Variants in NMNAT2 observed in about 807,000 individuals in gnomAD.
The protein encoded by NMNAT2 is nicotinamide nucleotide adenylyltransferase 2.
Under a neutral mutation model 41.6 loss-of-function variants are expected in NMNAT2, and 11 were observed. The ratio of observed to expected loss-of-function variants is 0.26; its 90% CI spans 0.17 to 0.44. The LOEUF (loss-of-function observed/expected upper bound fraction) is 0.44, where lower values mean the gene tolerates loss of function less well. Ranked by LOEUF, NMNAT2 falls within the 20% of genes least tolerant of loss-of-function variation. The pLI is 1.00. For missense variants in NMNAT2, 288 were observed against 407.7 expected (o/e 0.71, Z 2.53); for synonymous variants, 148 against 151.2 (o/e 0.98, Z 0.16).
At chr1:183,324,885 T>A (rs1662430251) in intron 1 of NMNAT2, among the ~76,000 whole-genome samples, 2 of 152,188 alleles carry the variant, frequency 1.3e-5, no homozygotes, top group Admixed American at 6.5e-5. Flanking sequence ...ATTACATGCC[T>A]AGCTCCTGGC....
At chr1:183,282,022 C>T (rs894005200) in intron 7 of NMNAT2, among the ~76,000 whole-genome samples, 6 of 152,200 alleles carry the variant, frequency 3.9e-5, no homozygotes, top group South Asian at 2.1e-4. Flanking sequence ...ATGTGAAGCC[C>T]GGGCCCTGCA....
intron 1 of NMNAT2, among the ~76,000 whole-genome samples, chr1:183,399,799 C>A (rs1648760622): frequency 6.6e-6 from 1 of 152,118 alleles, no homozygotes; most frequent in Non-Finnish European, 1.5e-5. Flanking sequence ...TAAACAGAAC[C>A]AAAGACAAAA....
At chr1:183,371,455 G>A (rs1663540593) in intron 1 of NMNAT2, among the ~76,000 whole-genome samples, 1 of 152,166 alleles carries the variant, frequency 6.6e-6, no homozygotes, top group African/African-American at 2.4e-5. Context: ...GAGCTCTGGT[G>A]TAAACCATGG....
At chr1:183,409,741 G>A (rs1314932821) in intron 1 of NMNAT2, among the ~76,000 whole-genome samples, 1 of 152,206 alleles carries the variant, frequency 6.6e-6, no homozygotes, top group African/African-American at 2.4e-5. Context: ...AGCCTGTGGA[G>A]AAGAAAGCAG....
At chr1:183,274,115 GT>G (rs1311982711) in intron 8 of NMNAT2, among the ~76,000 whole-genome samples, 1 of 151,690 alleles carries the variant, frequency 6.6e-6, no homozygotes, top group Admixed American at 6.6e-5. Context: ...GTTTTACCAT[GT>G]TGGCCAGGCT....
At chr1:183,404,707 G>A (rs1432079736) in intron 1 of NMNAT2, among the ~76,000 whole-genome samples, 2 of 152,290 alleles carry the variant, frequency 1.3e-5, no homozygotes, top group East Asian at 3.9e-4. Flanking sequence ...TGCTTTACAA[G>A]CAATGCTTTA....
intron 1 of NMNAT2, among the ~76,000 whole-genome samples, chr1:183,358,359 C>T (rs984093056): frequency 4.6e-5 from 7 of 152,118 alleles, no homozygotes; most frequent in African/African-American, 1.2e-4. Context: ...AACAAACCCC[C>T]GTGACTTGAG....
intron 1 of NMNAT2, among the ~76,000 whole-genome samples, chr1:183,359,712 C>T (rs1663266221): frequency 6.6e-6 from 1 of 152,168 alleles, no homozygotes; most frequent in Non-Finnish European, 1.5e-5. Context: ...ATGCCCAGAT[C>T]TGGCTCAGCA....
chr1:183,300,417 G>GAAA (rs59973277), intron 1 of NMNAT2, among the ~76,000 whole-genome samples: 2 of 139,554 alleles, frequency 1.4e-5, no homozygotes, highest in South Asian at 2.3e-4. Context: ...CTAAAAAAAA[G>GAAA]AAAAAAAAAA....
intron 1 of NMNAT2, among the ~76,000 whole-genome samples, chr1:183,401,750 T>C (rs1228460916): frequency 3.9e-5 from 6 of 152,070 alleles, no homozygotes; most frequent in Non-Finnish European, 5.9e-5. Flanking sequence ...AAAGGATGAG[T>C]TCATGTCCTT....
intron 1 of NMNAT2, among the ~76,000 whole-genome samples, chr1:183,307,834 G>A (rs1207765707): frequency 1.3e-5 from 2 of 152,300 alleles, no homozygotes; most frequent in Admixed American, 6.5e-5. Context: ...TGCACGCCTC[G>A]TCCTCCCAGA....
intron 1 of NMNAT2, among the ~76,000 whole-genome samples, chr1:183,319,231 G>A (rs768714427): frequency 1.3e-5 from 2 of 152,088 alleles, no homozygotes; most frequent in Non-Finnish European, 2.9e-5. Flanking sequence ...TGCCAACATC[G>A]AGCACCTACT....
At chr1:183,373,485 T>C (rs753091702) in intron 1 of NMNAT2, among the ~76,000 whole-genome samples, 1 of 152,148 alleles carries the variant, frequency 6.6e-6, no homozygotes, top group African/African-American at 2.4e-5. Context: ...CCTTCTGTAA[T>C]AGCCACTGGG....
At chr1:183,346,019 G>A (rs532763382) in intron 1 of NMNAT2, among the ~76,000 whole-genome samples, 91 of 152,208 alleles carry the variant, frequency 6.0e-4, no homozygotes, top group South Asian at 3.9e-3. Flanking sequence ...CCCAGTTTCA[G>A]GTACTGTGTT....
At chr1:183,360,908 C>A (rs1246641246) in intron 1 of NMNAT2, among the ~76,000 whole-genome samples, 1 of 152,106 alleles carries the variant, frequency 6.6e-6, no homozygotes, top group African/African-American at 2.4e-5. Context: ...TTATAAAAAT[C>A]TCAAACCTTA....
At chr1:183,357,197 C>T (rs1663211436) in intron 1 of NMNAT2, among the ~76,000 whole-genome samples, 1 of 144,018 alleles carries the variant, frequency 6.9e-6, no homozygotes, top group Non-Finnish European at 1.5e-5. Flanking sequence ...TTTAGTGGCT[C>T]AGGGAAGAGA....
intron 1 of NMNAT2, among the ~76,000 whole-genome samples, chr1:183,316,946 C>T (rs1435217960): frequency 6.6e-6 from 1 of 152,232 alleles, no homozygotes; most frequent in Non-Finnish European, 1.5e-5. Flanking sequence ...CTCCATCCCC[C>T]ATGCCCTCAG....
intron 8 of NMNAT2, among the ~76,000 whole-genome samples, chr1:183,277,026 G>A (rs888282610): frequency 6.6e-6 from 1 of 152,200 alleles, no homozygotes; most frequent in Non-Finnish European, 1.5e-5. Flanking sequence ...GTATCTGTGT[G>A]TGTATTTAGG....
At chr1:183,346,427 T>A (rs540848474) in intron 1 of NMNAT2, among the ~76,000 whole-genome samples, 2 of 152,302 alleles carry the variant, frequency 1.3e-5, no homozygotes, top group South Asian at 4.1e-4. Flanking sequence ...AATTAACATT[T>A]ATAAATGGCC....
Sources: allele counts gnomAD v4.1 joint callset (sites outside exome capture counted in the v4.1 genomes callset), GRCh38; gene constraint gnomAD v4.1.1; transcripts MANE v1.5; gene names NCBI Gene and HGNC (gene_info 2026-07-23, HGNC 2026-07-21).